Variants in ADGRG1 observed in about 807,000 individuals in gnomAD.
ADGRG1 encodes 7-transmembrane protein with no EGF-like N-terminal domains-1.
Under a neutral mutation model 73.5 loss-of-function variants are expected in ADGRG1, and 53 were observed. That is an observed-to-expected ratio of 0.72 (90% CI 0.58 to 0.91). The LOEUF is 0.91. ADGRG1 is among the 40% of genes least tolerant of loss of function. The pLI, the probability that ADGRG1 is intolerant of heterozygous loss-of-function variation, is 0.00. For synonymous variants in ADGRG1, 394 were observed against 374.4 expected, an observed-to-expected ratio of 1.05 and a Z score of -0.60; for missense variants, 795 against 871.8, an observed-to-expected ratio of 0.91 and a Z score of 1.11.
chr16:57,652,067 C>A, intron 3 of ADGRG1: 1 of 1,050,778 alleles, frequency 9.5e-7, no homozygotes, highest in Non-Finnish European at 1.2e-6. Flanking sequence ...AGAGGATGCC[C>A]AAAGCTGCAC....
intron 1 of ADGRG1, chr16:57,634,459 G>T (rs1310658857): frequency 4.1e-6 from 4 of 985,328 alleles, no homozygotes; most frequent in Non-Finnish European, 4.8e-6. Flanking sequence ...CGCCCCTGGG[G>T]CATACACTTC....
chr16:57,628,953 A>AGAGTGTGTGT (rs2036749939), intron 1 of ADGRG1, 151 bp downstream of exon 1: 1 of 585,382 alleles, frequency 1.7e-6, no homozygotes, highest in African/African-American at 3.1e-5. Context: ...TGAGAGTGTG[A>AGAGTGTGTGT]GAGTGTGTGA....
At chr16:57,648,843 C>A in intron 1 of ADGRG1, 1 of 297,436 alleles carries the variant, frequency 3.4e-6, no homozygotes, top group Non-Finnish European at 5.0e-6. Flanking sequence ...AGTGCCAGGG[C>A]CACAGGTTCC....
chr16:57,644,423 TCACA>T (rs377201180), intron 1 of ADGRG1, among the ~76,000 whole-genome samples: 2 of 136,112 alleles, frequency 1.5e-5, no homozygotes, highest in African/African-American at 2.9e-5. Flanking sequence ...CACACACTCG[TCACA>T]CACTCCTCAC....
At chr16:57,655,624 G>T in intron 6 of ADGRG1, 94 bp downstream of exon 6, 1 of 1,597,010 alleles carries the variant, frequency 6.3e-7, no homozygotes, top group East Asian at 2.3e-5. Flanking sequence ...CTTCCTCTGG[G>T]AGTCAAAGCC....
rs2047681023 is a variant in ADGRG1, at chr16:57,663,253, G to C, written c.1934-199G>C. The stretch of plus-strand genomic sequence containing the variant: ...GGATGGGCCTAGGAAGTTTGTGACA[G>C]TGAGAGGCCACACGGGGACGCAGCA... On this transcript the variant is annotated intron_variant, in intron 13 of 13. Transcript: ENST00000562631. The C allele has an allele frequency of 1.8e-5, 16 of 900,594 alleles. No homozygotes were observed. The South Asian group carries it at 7.6e-4, about 43-fold the overall frequency. The allele number at this position is 900,594 out of a possible 1,614,324, so 55.8% of individuals were successfully genotyped here.
chr16:57,660,721 A>T, intron 11 of ADGRG1, 47 bp from the exon 12 acceptor site: 1 of 1,471,498 alleles, frequency 6.8e-7, no homozygotes, highest in Non-Finnish European at 9.4e-7. Context: ...GGGAATGGGC[A>T]GGCCTCAGAG....
upstream of ADGRG1, chr16:57,622,717 T>C (rs1339665092): frequency 1.1e-6 from 1 of 931,456 alleles, no homozygotes; most frequent in African/African-American, 1.8e-5. Flanking sequence ...TCCTGCCAAG[T>C]GCTCTTGGGA....
At chr16:57,620,161 G>A (rs1442192446), upstream of ADGRG1, 1 of 152,398 alleles carries the variant, frequency 6.6e-6, no homozygotes, top group Non-Finnish European at 1.5e-5. Context: ...GGGGACAGGG[G>A]TGGGAAAGAT....
intron 1 of ADGRG1, chr16:57,634,209 C>T: frequency 2.0e-6 from 2 of 985,430 alleles, no homozygotes; most frequent in Non-Finnish European, 1.2e-6. Context: ...TTGGCTGAGT[C>T]TGGGCCTCAG....
chr16:57,653,540 A>C, intron 4 of ADGRG1: 1 of 985,270 alleles, frequency 1.0e-6, no homozygotes. Context: ...CCAACATCAC[A>C]TCCACCATCC....
upstream of ADGRG1, among the ~76,000 whole-genome samples, chr16:57,627,495 T>G (rs1340548673): frequency 3.3e-5 from 5 of 152,224 alleles, no homozygotes; most frequent in Non-Finnish European, 5.9e-5. Context: ...GTATCTGCCT[T>G]AAGCTCCCTC....
At chr16:57,650,472 G>A (rs2148190388) in intron 2 of ADGRG1, 121 bp downstream of exon 2, 1 of 1,566,214 alleles carries the variant, frequency 6.4e-7, no homozygotes, top group Non-Finnish European at 8.7e-7. Context: ...CTAGTGGAGG[G>A]TACCTTGGAG....
chr16:57,660,292 C>A (rs1355663740), intron 11 of ADGRG1: 48 of 985,052 alleles, frequency 4.9e-5, no homozygotes, highest in Non-Finnish European at 5.7e-5. Flanking sequence ...GTCCATTCCC[C>A]CATTTGCATG....
upstream of ADGRG1, chr16:57,627,406 C>T (rs987778830): frequency 1.3e-5 from 2 of 152,368 alleles, no homozygotes; most frequent in Non-Finnish European, 2.9e-5. Flanking sequence ...GCCAGACGGC[C>T]TGTGCTCCCG....
chr16:57,643,328 C>T (rs1197059011), intron 1 of ADGRG1: 6 of 152,674 alleles, frequency 3.9e-5, no homozygotes, highest in Non-Finnish European at 8.8e-5. Flanking sequence ...TGCCCAGTTC[C>T]GCATATGGGA....
chr16:57,629,140 G>A (rs1290779295), intron 1 of ADGRG1: 5 of 982,910 alleles, frequency 5.1e-6, no homozygotes, highest in Non-Finnish European at 6.0e-6. Context: ...GTTGGACAGT[G>A]GGTAGGGATG....
At chr16:57,648,634 T>G in intron 1 of ADGRG1, 1 of 984,300 alleles carries the variant, frequency 1.0e-6, no homozygotes, top group Non-Finnish European at 1.2e-6. Flanking sequence ...AAAAGCCACC[T>G]CTTCCTGAAA....
chr16:57,641,371 G>A (rs1207735235), intron 1 of ADGRG1: 1 of 982,418 alleles, frequency 1.0e-6, no homozygotes, highest in African/African-American at 1.7e-5. Context: ...GCCAGGTGGA[G>A]ACTTGGCCAT....
Sources: allele counts gnomAD v4.1 joint callset (sites outside exome capture counted in the v4.1 genomes callset), GRCh38; gene constraint gnomAD v4.1.1; transcripts MANE v1.5; gene names NCBI Gene and HGNC (gene_info 2026-07-23, HGNC 2026-07-21).